The following SPDYA variants were observed in gnomAD, a reference collection of about 807,000 sequenced individuals.
SPDYA encodes the protein speedy protein A.
SPDYA carries 11 observed loss-of-function variants against 36.7 expected under a neutral mutation model. The ratio of observed to expected loss-of-function variants is 0.30; its 90% CI spans 0.19 to 0.50. The LOEUF is 0.50. Among genes scored for constraint, SPDYA ranks in the 20% least tolerant of loss-of-function variants. The probability of loss-of-function intolerance (pLI) is 0.98; values close to 1 mark genes in which losing one functional copy is unlikely to be tolerated. For synonymous variants in SPDYA, 115 were observed against 118.7 expected, an observed-to-expected ratio of 0.97 and a Z score of 0.20; for missense variants, 287 against 370.9, an observed-to-expected ratio of 0.77 and a Z score of 1.86.
At position 28,828,144 on chromosome 2, in the gene SPDYA, G is replaced by A. The variant is rs775321726; in HGVS notation, c.381-1004G>A. ...TGGGATTACAGGCGCAGGCCACCAC[G>A]CCCAGCTAATGTTTGTATTTTTAGG... On this transcript the variant is annotated intron_variant, in intron 5 of 7. Transcript: ENST00000334056. 4.6e-5 allele frequency among the ~76,000 whole-genome samples: 7 copies of A among 151,774 alleles called. No homozygotes were observed. In the East Asian group the frequency reaches 7.8e-4, roughly 17 times the overall value.
Position 28,850,420 on chromosome 2 carries a change from T to A in SPDYA, c.*479T>A. 1 of 1,498,224 alleles carries A rather than the reference T, an allele frequency of 6.7e-7. No individual in the cohort carries two copies. The highest frequency in any genetic ancestry group is 9.2e-7 in the Non-Finnish European group (1 of 1,083,450). 92.8% of individuals were successfully genotyped at this position (1,498,224 alleles called of 1,614,324 possible). A position where few individuals can be genotyped will look rare whatever the true frequency, so the allele number is the denominator to read the frequency against. On this transcript the variant is annotated 3_prime_UTR_variant, in exon 8 of 8. Transcript: ENST00000334056. Reference sequence around the variant, plus strand: ...ATGCGATTCTTCTGTTGTAAAAAAATATATGTACTATAAGCTACATAAAAT... The same window carrying A: ...ATGCGATTCTTCTGTTGTAAAAAAAAATATGTACTATAAGCTACATAAAAT...
intron 4 of SPDYA, 50 bp downstream of exon 4, chr2:28,819,156 A>G: frequency 7.4e-7 from 1 of 1,352,416 alleles, no homozygotes; most frequent in Non-Finnish European, 1.0e-6. Flanking sequence ...ATGTAACTGA[A>G]CCATTAGAGC....
chr2:28,823,157 G>A (rs910853925), intron 5 of SPDYA, among the ~76,000 whole-genome samples: 3 of 152,008 alleles, frequency 2.0e-5, no homozygotes, highest in Admixed American at 6.6e-5. Context: ...GTCATTATTC[G>A]TATTTGATAC....
Position 28,840,203 on chromosome 2 carries a change from G to C in SPDYA, c.584G>C (p.Trp195Ser). ...VMAIAPTHYI[W>S]QRERSVHHSG... The stretch of plus-strand genomic sequence containing the variant: ...GCCATTGCACCAACCCATTATATCT[G>C]GCAAAGAGAACGTTCTGTTCATCAC... The change falls in exon 7 of 8, where the codon TGG becomes TCG. Residue 195 changes from tryptophan (W) to serine (S), a missense_variant. Coordinates refer to ENST00000334056, the MANE Select transcript of SPDYA (RefSeq NM_182756.4). 1 of 1,614,050 alleles carries C rather than the reference G, an allele frequency of 6.2e-7. No homozygotes were observed. Among genetic ancestry groups the C allele is most frequent in the South Asian group, 1.1e-5 (1 of 91,062 alleles).
chr2:28,818,417 A>G (rs1254327293), intron 3 of SPDYA, among the ~76,000 whole-genome samples: 1 of 150,332 alleles, frequency 6.7e-6, no homozygotes, highest in Non-Finnish European at 1.5e-5. Flanking sequence ...CCACCTGGGC[A>G]ACATAGTGAG....
chr2:28,822,531 C>G (rs933697833), intron 5 of SPDYA, 121 bp downstream of exon 5: 1 of 423,384 alleles, frequency 2.4e-6, no homozygotes, highest in Non-Finnish European at 4.2e-6. Flanking sequence ...TGTATAAATG[C>G]TGTATGTTTT....
chr2:28,827,996 TTC>T (rs1431183025), intron 5 of SPDYA, among the ~76,000 whole-genome samples: 2 of 152,132 alleles, frequency 1.3e-5, no homozygotes, highest in African/African-American at 4.8e-5. Flanking sequence ...TTTTTCTTTT[TTC>T]TTTTTGAGAC....
At chr2:28,843,104 T>C (rs1389111467) in intron 7 of SPDYA, among the ~76,000 whole-genome samples, 1 of 152,200 alleles carries the variant, frequency 6.6e-6, no homozygotes, top group African/African-American at 2.4e-5. Flanking sequence ...ACTCCTCAAT[T>C]TGCAGGTAAA....
Position 28,850,595 on chromosome 2 carries a change from T to C in SPDYA, c.*654T>C, listed in dbSNP as rs1356467175. On this transcript the variant is annotated 3_prime_UTR_variant, in exon 8 of 8. Transcript: ENST00000334056. ...TGTCAATGATTATGTAATAAACATATGATTTTATAACCAAATGGATAAGCC... is the reference window on the plus strand; with the variant it reads ...TGTCAATGATTATGTAATAAACATACGATTTTATAACCAAATGGATAAGCC... The C allele has an allele frequency of 1.7e-5, 9 of 526,794 alleles. No individual in the cohort carries two copies. The highest frequency in any genetic ancestry group is 3.0e-5 in the Non-Finnish European group (9 of 299,714). 32.6% of individuals were successfully genotyped at this position (526,794 alleles called of 1,614,324 possible). A position where few individuals can be genotyped will look rare whatever the true frequency, so the allele number is the denominator to read the frequency against.
chr2:28,834,694 T>A (rs1393605341), intron 6 of SPDYA, among the ~76,000 whole-genome samples: 2 of 152,162 alleles, frequency 1.3e-5, no homozygotes, highest in East Asian at 3.9e-4. Context: ...GAAAGTAGAT[T>A]AGTAGTTGTT....
chr2:28,840,938 T>TC (rs1668736430), intron 7 of SPDYA: 1 of 270,160 alleles, frequency 3.7e-6, no homozygotes, highest in Non-Finnish European at 5.6e-6. Flanking sequence ...CAGTTTTTTT[T>TC]TTTTTTTTTT....
At chr2:28,842,374 C>T (rs1668771156) in intron 7 of SPDYA, 1 of 152,308 alleles carries the variant, frequency 6.6e-6, no homozygotes, top group East Asian at 1.9e-4. Flanking sequence ...TTCAGACCAA[C>T]CACTGTAGGT....
intron 4 of SPDYA, among the ~76,000 whole-genome samples, chr2:28,820,517 C>CAG (rs1353722134): frequency 6.6e-6 from 1 of 151,836 alleles, no homozygotes; most frequent in Non-Finnish European, 1.5e-5. Flanking sequence ...TCCCAGAAGG[C>CAG]AGAGGTTGCA....
At chr2:28,812,115 T>C (rs1667861742) in intron 1 of SPDYA, among the ~76,000 whole-genome samples, 1 of 152,252 alleles carries the variant, frequency 6.6e-6, no homozygotes, top group South Asian at 2.1e-4. Context: ...TTGGGAAATT[T>C]CTTAACTTCT....
chr2:28,814,828 A>G (rs1667944351), intron 2 of SPDYA, 142 bp downstream of exon 2: 1 of 152,210 alleles, frequency 6.6e-6, no homozygotes, highest in African/African-American at 2.4e-5. Flanking sequence ...TAAGTGTAGT[A>G]ATTATGTGAA....
At chr2:28,839,466 C>T (rs1046727186) in intron 6 of SPDYA, among the ~76,000 whole-genome samples, 3 of 152,072 alleles carry the variant, frequency 2.0e-5, no homozygotes, top group Admixed American at 2.0e-4. Flanking sequence ...TTAAGATTAC[C>T]ATAACACACA....
intron 7 of SPDYA, among the ~76,000 whole-genome samples, chr2:28,841,327 G>A (rs11902508): frequency 0.038 from 5,782 of 152,068 alleles, 369 homozygotes; most frequent in African/African-American, 0.13. Flanking sequence ...CAGCAATAGA[G>A]TATTAATTAG....
At chr2:28,840,597 C>T in intron 7 of SPDYA, 128 bp downstream of exon 7, 1 of 1,414,832 alleles carries the variant, frequency 7.1e-7, no homozygotes, top group South Asian at 1.6e-5. Context: ...AATCTTGAAA[C>T]TTTCTCCCCT....
In SPDYA at chr2:28,812,636, C is replaced by T. The variant is rs572280433; in HGVS notation, c.-93+1689C>T. 2.9e-4 allele frequency among the ~76,000 whole-genome samples: 44 copies of T among 152,022 alleles called. No homozygotes were observed. The South Asian group carries it at 9.1e-3, about 32-fold the overall frequency. ...CTTTGGGAGGCCGAGGCGGGCCGAT[C>T]ACCTCAGGTCAGGAGTTGGAGACCA... On this transcript the variant is annotated intron_variant, in intron 1 of 7. Coordinates refer to ENST00000334056, the MANE Select transcript of SPDYA (RefSeq NM_182756.4).
Sources: allele counts gnomAD v4.1 joint callset (sites outside exome capture counted in the v4.1 genomes callset), GRCh38; gene constraint gnomAD v4.1.1; transcripts MANE v1.5; gene names NCBI Gene and HGNC (gene_info 2026-07-23, HGNC 2026-07-21).